Variants in MCTP2 observed in about 807,000 individuals in gnomAD.
MCTP2 encodes multiple C2 and transmembrane domain containing 2.
MCTP2 carries 132 observed loss-of-function variants against 111.6 expected under a neutral mutation model. The observed-to-expected ratio is 1.18, with a 90% CI of 1.03 to 1.37. The LOEUF is 1.37. MCTP2 is among the 40% of genes most tolerant of loss of function. MCTP2 has a pLI of 0.00. For missense variants in MCTP2, 1,183 were observed against 1,067.9 expected (o/e 1.11, Z -1.50); for synonymous variants, 395 against 387.7 (o/e 1.02, Z -0.22).
At chr15:94,439,147 G>A (rs893780462) in intron 17 of MCTP2, among the ~76,000 whole-genome samples, 4 of 152,054 alleles carry the variant, frequency 2.6e-5, no homozygotes, top group Non-Finnish European at 4.4e-5. Context: ...AATGGAAGAA[G>A]TGATTTTATT....
chr15:94,380,779 A>AG (rs148653245), intron 12 of MCTP2, among the ~76,000 whole-genome samples: 13 of 151,878 alleles, frequency 8.6e-5, no homozygotes, highest in Middle Eastern at 3.4e-3. Flanking sequence ...AAAAAAAAAA[A>AG]GGGGGGGTTA....
chr15:94,459,064 T>C (rs1322141974), intron 20 of MCTP2, among the ~76,000 whole-genome samples: 4 of 152,234 alleles, frequency 2.6e-5, no homozygotes, highest in Admixed American at 2.6e-4. Context: ...TTATCAACTC[T>C]GCATTACTTA....
rs769033118 is a variant in MCTP2, at chr15:94,401,904, T to C, written c.1970T>C (p.Leu657Ser). Residue 657 changes from leucine to serine, a missense_variant, in exon 17 of 23, where the codon TTA becomes TCA. By Grantham distance (145) the Leu-to-Ser change is moderately radical. Coordinates refer to ENST00000357742, the MANE Select transcript of MCTP2 (RefSeq NM_001385001.1). ...TTTGTCATTTTTTAAAATCAGATCT[T>C]ATCAAGAGATGTGGACCGTGTGAAA... is the stretch of plus-strand genomic sequence containing the variant. ...EDSRKLSKKI[L>S]SRDVDRVKRI... 1.2e-6 allele frequency: 2 copies of C among 1,605,884 alleles called. No individual in the cohort carries two copies. Among genetic ancestry groups the C allele is most frequent in the Non-Finnish European group, 1.7e-6 (2 of 1,176,442 alleles).
At chr15:94,277,825 A>T (rs2152309083) in intron 1 of MCTP2, among the ~76,000 whole-genome samples, 1 of 152,180 alleles carries the variant, frequency 6.6e-6, no homozygotes, top group East Asian at 1.9e-4. Context: ...TACACTATAG[A>T]TTTAGTTGTT....
intron 1 of MCTP2, among the ~76,000 whole-genome samples, chr15:94,247,164 C>A (rs1481560181): frequency 6.6e-6 from 1 of 152,118 alleles, no homozygotes; most frequent in East Asian, 1.9e-4. Flanking sequence ...CGCGTGAGTG[C>A]ATGTGATTCC....
intron 1 of MCTP2, among the ~76,000 whole-genome samples, chr15:94,286,141 G>C (rs2074743470): frequency 6.6e-6 from 1 of 152,156 alleles, no homozygotes; most frequent in African/African-American, 2.4e-5. Flanking sequence ...TCTAGAGAGA[G>C]CTTTTTATGA....
chr15:94,425,211 T>G (rs551334524), intron 17 of MCTP2, among the ~76,000 whole-genome samples: 59 of 152,328 alleles, frequency 3.9e-4, no homozygotes, highest in African/African-American at 1.2e-3. Flanking sequence ...TTATTGAATA[T>G]TCTGCCTTTT....
intron 17 of MCTP2, among the ~76,000 whole-genome samples, chr15:94,434,984 C>T (rs1244724894): frequency 6.6e-6 from 1 of 152,070 alleles, no homozygotes; most frequent in Admixed American, 6.5e-5. Context: ...CTGCCTTAGC[C>T]TCCCGAGTAG....
chr15:94,306,490 C>T (rs1018552808), intron 2 of MCTP2, among the ~76,000 whole-genome samples: 3 of 152,106 alleles, frequency 2.0e-5, no homozygotes, highest in African/African-American at 7.2e-5. Context: ...GTGGGTATAA[C>T]ATGAGTTTGG....
At chr15:94,467,834 G>A (rs987474321) in intron 20 of MCTP2, among the ~76,000 whole-genome samples, 1 of 152,246 alleles carries the variant, frequency 6.6e-6, no homozygotes, top group African/African-American at 2.4e-5. Flanking sequence ...TCTGTTACAG[G>A]TTCTGCTGTG....
Position 94,298,434 on chromosome 15 carries a change from GA to G in MCTP2, c.170del (p.Glu57GlyfsTer40), listed in dbSNP as rs1479065585. The stretch of plus-strand genomic sequence containing the variant: ...CAGCCTCTCTGTGCCTGATCTCCTG[GA>G]GGCTGAGGCCTTGGCCCCAGAGGGC... ...RLSLSVPDLLEAEALAPEGRP... is the reference protein window; with the variant it reads ...RLSLSVPDLLXAEALAPEGRP... On this transcript the variant is annotated frameshift_variant, in exon 2 of 23. Transcript: ENST00000357742. LOFTEE classifies it high-confidence loss of function. The G allele has an allele frequency of 6.2e-7, 1 of 1,614,060 alleles. No homozygotes were observed. Among genetic ancestry groups the G allele is most frequent in the Non-Finnish European group, 8.5e-7 (1 of 1,180,020 alleles).
intron 7 of MCTP2, chr15:94,342,238 A>G (rs1279551557): frequency 6.6e-6 from 1 of 152,222 alleles, no homozygotes; most frequent in Non-Finnish European, 1.5e-5. Flanking sequence ...TAGCAGTAAT[A>G]TTGGCACTTA....
At chr15:94,314,554 A>C (rs564326156) in intron 3 of MCTP2, among the ~76,000 whole-genome samples, 3 of 152,338 alleles carry the variant, frequency 2.0e-5, no homozygotes, top group Admixed American at 2.0e-4. Flanking sequence ...GATTCTTCTA[A>C]AAATACAGAG....
chr15:94,270,038 T>C (rs1292718267), intron 1 of MCTP2, among the ~76,000 whole-genome samples: 2 of 152,180 alleles, frequency 1.3e-5, no homozygotes, highest in Non-Finnish European at 2.9e-5. Flanking sequence ...TCAGGCACCA[T>C]GCTTGTGGTT....
Position 94,399,055 on chromosome 15 carries a change from A to G in MCTP2, c.1883A>G (p.Tyr628Cys). ...ATTTACTTAGAGATGGACCTTATAT[A>G]TAATCCGGTAAGTCTAGCTGGGTCA... The part of the protein sequence containing the change: ...GVIYLEMDLI[Y>C]NPVKASIRTF... The change falls in exon 15 of 23, where the codon TAT (tyrosine) becomes TGT (cysteine). Residue 628 changes from tyrosine (Y) to cysteine (C), a missense_variant. By Grantham distance (194) the Tyr-to-Cys change is radical (BLOSUM62 -2). Coordinates refer to ENST00000357742, the MANE Select transcript of MCTP2 (RefSeq NM_001385001.1). 4 of 1,477,960 alleles carry G rather than the reference A, an allele frequency of 2.7e-6. No individual in the cohort carries two copies. The highest frequency in any genetic ancestry group is 3.8e-6 in the Non-Finnish European group (4 of 1,056,564). 91.6% of individuals were successfully genotyped at this position (1,477,960 alleles called of 1,614,324 possible). A position where few individuals can be genotyped will look rare whatever the true frequency, so the allele number is the denominator to read the frequency against.
chr15:94,327,675 T>G (rs888896562), intron 4 of MCTP2, among the ~76,000 whole-genome samples: 1 of 152,226 alleles, frequency 6.6e-6, no homozygotes, highest in Non-Finnish European at 1.5e-5. Flanking sequence ...CCTTCACTCT[T>G]TGAGTTTTGG....
intron 1 of MCTP2, among the ~76,000 whole-genome samples, chr15:94,243,738 C>CAT (rs2071357808): frequency 1.6e-5 from 2 of 121,564 alleles, no homozygotes; most frequent in Non-Finnish European, 3.4e-5. Flanking sequence ...TATGTGTATA[C>CAT]ATATATGTAT....
At chr15:94,372,151 T>C (rs544443701) in intron 12 of MCTP2, among the ~76,000 whole-genome samples, 7 of 152,338 alleles carry the variant, frequency 4.6e-5, no homozygotes, top group African/African-American at 9.6e-5. Context: ...CAAATTCCAA[T>C]AACGATAGCA....
At chr15:94,464,008 A>G (rs2085370570) in intron 20 of MCTP2, among the ~76,000 whole-genome samples, 2 of 151,480 alleles carry the variant, frequency 1.3e-5, no homozygotes, top group Admixed American at 6.6e-5. Flanking sequence ...AGTTATGATC[A>G]TCAGTGAGAT....
Sources: allele counts gnomAD v4.1 joint callset (sites outside exome capture counted in the v4.1 genomes callset), GRCh38; gene constraint gnomAD v4.1.1; transcripts MANE v1.5; gene names NCBI Gene and HGNC (gene_info 2026-07-23, HGNC 2026-07-21).